Variants in SLC49A3 observed in about 807,000 individuals in gnomAD.
SLC49A3 encodes the protein solute carrier family 49 member 3.
A neutral mutation model predicts 43.8 loss-of-function variants in SLC49A3; 50 were observed. The ratio of observed to expected loss-of-function variants is 1.14; its 90% confidence interval spans 0.91 to 1.45. The LOEUF is 1.45. Ranked by LOEUF, SLC49A3 falls within the 40% of genes most tolerant of loss-of-function variation. The pLI is 0.00. For missense variants in SLC49A3, 906 were observed against 774.1 expected (o/e 1.17, Z -2.02); for synonymous variants, 413 against 352.0 (o/e 1.17, Z -1.94).
downstream of SLC49A3, among the ~76,000 whole-genome samples, chr4:681,435 C>A (rs1231079967): frequency 6.6e-6 from 1 of 150,968 alleles, no homozygotes; most frequent in Non-Finnish European, 1.5e-5. Flanking sequence ...GGTCCGGAGC[C>A]GCCCCCCACC....
In SLC49A3 at chr4:686,544, C is replaced by A; in HGVS notation, c.282G>T (p.Gly94=). The A allele has an allele frequency of 6.2e-7, 1 of 1,612,500 alleles. No homozygotes were observed. The highest frequency in any genetic ancestry group is 8.5e-7 in the Non-Finnish European group (1 of 1,179,742). The change falls in exon 2 of 10, where the codon GGG becomes GGT. Residue 94 remains glycine (G), a synonymous_variant. Coordinates refer to ENST00000322224, the MANE Select transcript of SLC49A3 (RefSeq NM_032219.4). Reference sequence around the variant, plus strand: ...GGGTCTGACTCACCGCCGCACGGAGCCCGACGGAGTCCAGGATCCAGATGG... The same window carrying A: ...GGGTCTGACTCACCGCCGCACGGAGACCGACGGAGTCCAGGATCCAGATGG... ...VAAIWILDSV[G]LRAATILGAW...
rs1485193303 is a variant in SLC49A3 at position 681,974 on chromosome 4, G to A, written c.1664C>T (p.Pro555Leu). 3 of 1,396,612 alleles carry A rather than the reference G, an allele frequency of 2.1e-6. No individual in the cohort carries two copies. Among genetic ancestry groups the A allele is most frequent in the Non-Finnish European group, 2.8e-6 (3 of 1,061,704 alleles). The allele number at this position is 1,396,612 out of a possible 1,614,324, so 86.5% of individuals were successfully genotyped here. ...PAGSHSSFSS[P>L]WVIT The stretch of plus-strand genomic sequence containing the variant: ...GGCGCTCAGCTACGTGATCACCCAC[G>A]GGGAGGAGAAGGAGGAGTGAGACCC... Residue 555 changes from proline (P) to leucine (L), a missense_variant, in exon 10 of 10, where the codon CCG (proline) becomes CTG (leucine). Physicochemically the swap from Pro to Leu is moderately conservative, Grantham distance 98. Coordinates refer to ENST00000322224, the MANE Select transcript of SLC49A3 (RefSeq NM_032219.4).
chr4:691,177 T>G (rs1213981126), upstream of SLC49A3, among the ~76,000 whole-genome samples: 1 of 148,686 alleles, frequency 6.7e-6, no homozygotes, highest in Admixed American at 6.8e-5. Context: ...CCCAGCTATT[T>G]GGGAGGCTGA....
At chr4:682,635 C>T (rs998871265) in intron 9 of SLC49A3, 146 bp downstream of exon 9, 3 of 659,418 alleles carry the variant, frequency 4.5e-6, no homozygotes, top group South Asian at 3.0e-5. Context: ...GCTCACCTGT[C>T]CTATTGCCCG....
chr4:680,222 C>CCCG (rs1739316164), downstream of SLC49A3, among the ~76,000 whole-genome samples: 1 of 152,198 alleles, frequency 6.6e-6, no homozygotes, highest in South Asian at 2.1e-4. Context: ...TGCTGTGTGA[C>CCCG]CCGCCGTCGA....
chr4:683,102 C>T, intron 8 of SLC49A3, 108 bp downstream of exon 8: 1 of 1,445,316 alleles, frequency 6.9e-7, no homozygotes, highest in South Asian at 1.3e-5. Context: ...AGGCAGGTTC[C>T]CCACCTCCCC....
chr4:678,903 G>T, downstream of SLC49A3: 2 of 1,609,758 alleles, frequency 1.2e-6, no homozygotes, highest in South Asian at 2.2e-5. Flanking sequence ...GGAGCAGGGG[G>T]CGGGGCAGAG....
downstream of SLC49A3, chr4:680,996 C>T (rs550197682): frequency 5.9e-6 from 8 of 1,360,412 alleles, no homozygotes; most frequent in Admixed American, 4.0e-5. Context: ...GTGCAGTGAG[C>T]GAGTACAACC....
chr4:679,779 C>CTGTGTGA, downstream of SLC49A3: 1 of 701,456 alleles, frequency 1.4e-6, no homozygotes, highest in Non-Finnish European at 2.5e-6. Flanking sequence ...GCCCCACGTG[C>CTGTGTGA]CTGGGCCAAG....
At position 682,385 on chromosome 4, in the gene SLC49A3, A is replaced by T; in HGVS notation, c.1262-9T>A. The stretch of plus-strand genomic sequence containing the variant: ...CATCAGCAGCAGAGACACTGGGGAC[A>T]CATAGCACAGCTGTCCCCACAGCCA... On this transcript the variant is annotated splice_polypyrimidine_tract_variant and intron_variant, in intron 9 of 9. Coordinates refer to ENST00000322224, the MANE Select transcript of SLC49A3 (RefSeq NM_032219.4). 7.5e-7 allele frequency: 1 copy of T among 1,333,048 alleles called. No individual in the cohort carries two copies. Among genetic ancestry groups the T allele is most frequent in the South Asian group, 2.6e-5 (1 of 39,012 alleles). 82.6% of individuals were successfully genotyped at this position (1,333,048 alleles called of 1,614,324 possible). A position where few individuals can be genotyped will look rare whatever the true frequency, so the allele number is the denominator to read the frequency against.
rs375856657 is a variant in SLC49A3, at chr4:681,929, G to A, written c.*29C>T. 1.5e-6 allele frequency: 2 copies of A among 1,326,414 alleles called. No homozygotes were observed. The highest frequency in any genetic ancestry group is 3.1e-5 in the Admixed American group (1 of 32,758). 82.2% of individuals were successfully genotyped at this position (1,326,414 alleles called of 1,614,324 possible). ...GTTCCAGTTCGCCTCCATCGATGTG[G>A]CGGGCAACCTGGACTACAAGGCGCT... is the stretch of plus-strand genomic sequence containing the variant. On this transcript the variant is annotated 3_prime_UTR_variant, in exon 10 of 10. Transcript: ENST00000322224.
rs748834424 is a variant in SLC49A3 at position 684,594 on chromosome 4, C to T, written c.729G>A (p.Met243Ile). ...EKFLDGLKLL[M>I]WNKAYVILAV... ...CCAGGATGACATAGGCCTTGTTCCA[C>T]ATGAGCTGCTGGGAAAGAGCGTCTC... Residue 243 changes from methionine (M) to isoleucine (I), a missense_variant, in exon 6 of 10, where the codon ATG becomes ATA. By Grantham distance (10) the Met-to-Ile change is conservative (BLOSUM62 1). Coordinates refer to ENST00000322224, the MANE Select transcript of SLC49A3 (RefSeq NM_032219.4). The T allele has an allele frequency of 6.2e-7, 1 of 1,612,918 alleles. No homozygotes were observed. Among genetic ancestry groups the T allele is most frequent in the African/African-American group, 1.3e-5 (1 of 75,018 alleles).
At chr4:677,255 G>A (rs190185025), downstream of SLC49A3, among the ~76,000 whole-genome samples, 251 of 152,282 alleles carry the variant, frequency 1.6e-3, 1 homozygote, top group African/African-American at 5.9e-3. Flanking sequence ...CCTTGAACCA[G>A]GGCATCTGGA....
chr4:678,343 A>T (rs1471701337), downstream of SLC49A3: 2 of 1,415,802 alleles, frequency 1.4e-6, no homozygotes, highest in Admixed American at 2.8e-5. Flanking sequence ...CCCAGAGTCC[A>T]CTTGCCCCTC....
chr4:685,056 T>C lies in SLC49A3; in HGVS notation c.586-200A>G. The C allele has an allele frequency of 1.6e-6, 1 of 632,300 alleles. No homozygotes were observed. The highest frequency in any genetic ancestry group is 1.9e-5 in the African/African-American group (1 of 53,818). The allele number at this position is 632,300 out of a possible 1,614,324, so 39.2% of individuals were successfully genotyped here. ...AGGGGCTCATGGGGACCCCTGGCTG[T>C]CAACGCATCCCTCACCAGTGACACC... On this transcript the variant is annotated intron_variant, in intron 4 of 9. Transcript: ENST00000322224. The surrounding 1 kb of genome is among the most constrained non-coding windows in gnomAD (Gnocchi z 4.3).
chr4:685,826 A>ACG lies in SLC49A3; in HGVS notation c.585+8_585+9insCG, dbSNP rs1413911508. The ACG allele has an allele frequency of 6.2e-7, 1 of 1,613,622 alleles. No homozygotes were observed. Among genetic ancestry groups the ACG allele is most frequent in the Non-Finnish European group, 8.5e-7 (1 of 1,179,908 alleles). ...ACAGACCAGGCACGGGCGTCTCATG[A>ACG]CCCCTCACCATTAACGGAATGTCCT... On this transcript the variant is annotated intron_variant, in intron 4 of 9. Coordinates refer to ENST00000322224, the MANE Select transcript of SLC49A3 (RefSeq NM_032219.4). The surrounding 1 kb of genome is among the most constrained non-coding windows in gnomAD (Gnocchi z 4.3).
intron 9 of SLC49A3, 89 bp downstream of exon 9, chr4:682,692 C>A (rs561230554): frequency 1.6e-5 from 18 of 1,101,216 alleles, no homozygotes; most frequent in Non-Finnish European, 2.2e-5. Flanking sequence ...TAGGGCTCCC[C>A]ACGTAGGGTT....
downstream of SLC49A3, chr4:678,052 C>G: frequency 6.2e-7 from 1 of 1,612,928 alleles, no homozygotes; most frequent in South Asian, 1.1e-5. Flanking sequence ...CCGTGCATGC[C>G]TGGGGCAGGC....
chr4:680,388 G>T, downstream of SLC49A3: 1 of 1,064,858 alleles, frequency 9.4e-7, no homozygotes, highest in Non-Finnish European at 1.4e-6. Context: ...AGGCCACCTT[G>T]TGGGCAGAGG....
Sources: gnomAD v4.1 joint callset for allele counts (sites outside exome capture counted in the v4.1 genomes callset) on GRCh38, gnomAD v4.1.1 for gene constraint, Gnocchi (gnomAD v3.1) non-coding constraint, MANE v1.5 for transcripts, NCBI Gene and HGNC (gene_info 2026-07-23, HGNC 2026-07-21) for gene names.